Variants in ACSL5 observed in about 807,000 individuals in gnomAD.
ACSL5 encodes long-chain-fatty-acid--CoA ligase 5.
In ACSL5, 50 loss-of-function variants were observed where a neutral mutation model predicts 84.9. The observed-to-expected ratio is 0.59, with a 90% CI of 0.47 to 0.75. The LOEUF is 0.75. Ranked by LOEUF, ACSL5 falls within the 30% of genes least tolerant of loss-of-function variation. ACSL5 has a pLI of 0.00. For synonymous variants in ACSL5, 280 were observed against 300.7 expected (o/e 0.93, Z 0.71); for missense variants, 775 against 830.4 (o/e 0.93, Z 0.82).
intron 1 of ACSL5, among the ~76,000 whole-genome samples, chr10:112,383,599 C>T (rs1849393091): frequency 6.6e-6 from 1 of 152,218 alleles, no homozygotes; most frequent in Non-Finnish European, 1.5e-5. Flanking sequence ...CTGGATTACT[C>T]AGTGGCTGAG....
Position 112,404,868 on chromosome 10 carries a change from C to T in ACSL5, c.432+62C>T, listed in dbSNP as rs1043173496. On this transcript the variant is annotated intron_variant, in intron 5 of 20. Transcript: ENST00000354655. ...GGGTTAAGTTTAAAAACTTCAAATG[C>T]TATTCCCCGTCCAGCATTCCAACAC... is the stretch of plus-strand genomic sequence containing the variant. 2.8e-6 allele frequency: 4 copies of T among 1,407,864 alleles called. No individual in the cohort carries two copies. The South Asian group carries it at 3.6e-5, about 13-fold the overall frequency. The allele number at this position is 1,407,864 out of a possible 1,614,324, so 87.2% of individuals were successfully genotyped here. A position where few individuals can be genotyped will look rare whatever the true frequency, so the allele number is the denominator to read the frequency against.
chr10:112,410,213 T>G, intron 7 of ACSL5: 1 of 1,498,494 alleles, frequency 6.7e-7, no homozygotes, highest in Admixed American at 2.0e-5. Flanking sequence ...GACTGAAACT[T>G]AAGAGTACAA....
intron 1 of ACSL5, among the ~76,000 whole-genome samples, chr10:112,390,576 A>G (rs746705655): frequency 2.0e-5 from 3 of 152,224 alleles, no homozygotes; most frequent in Non-Finnish European, 4.4e-5. Flanking sequence ...CAAAAACTGT[A>G]TAGAAATGCT....
chr10:112,391,996 G>A (rs1843651926), intron 1 of ACSL5, among the ~76,000 whole-genome samples: 5 of 152,248 alleles, frequency 3.3e-5, no homozygotes, highest in South Asian at 4.2e-4. Flanking sequence ...TCAACTTTTA[G>A]ACTCTGATTC....
At chr10:112,400,406 C>CTTTTTTTTTTTTTTTTTTT (rs573644087) in intron 3 of ACSL5, among the ~76,000 whole-genome samples, 2 of 98,892 alleles carry the variant, frequency 2.0e-5, no homozygotes, top group African/African-American at 4.0e-5. Context: ...TTTTTCTTTT[C>CTTTTTTTTTTTTTTTTTTT]TTTTTTTTTT....
chr10:112,403,223 C>T (rs561592115), intron 3 of ACSL5, among the ~76,000 whole-genome samples: 1 of 152,318 alleles, frequency 6.6e-6, no homozygotes, highest in Admixed American at 6.5e-5. Context: ...TCCCACTTTA[C>T]TAGCTGTTAA....
chr10:112,387,877 C>CA (rs986126428), intron 1 of ACSL5, among the ~76,000 whole-genome samples: 1 of 144,556 alleles, frequency 6.9e-6, no homozygotes, highest in Non-Finnish European at 1.5e-5. Flanking sequence ...TATTATTGCA[C>CA]AAAAAAATAA....
intron 7 of ACSL5, 104 bp downstream of exon 7, chr10:112,409,789 G>A: frequency 3.4e-6 from 4 of 1,162,916 alleles, no homozygotes; most frequent in South Asian, 2.8e-5. Flanking sequence ...CTCCAGGGGT[G>A]GCACGTGAGG....
chr10:112,395,253 A>G, intron 2 of ACSL5, 151 bp downstream of exon 2: 1 of 751,474 alleles, frequency 1.3e-6, no homozygotes, highest in South Asian at 2.0e-5. Flanking sequence ...ACAAATTTAA[A>G]CTTCTATTAC....
At chr10:112,425,757 G>C (rs1450821140) in intron 18 of ACSL5, among the ~76,000 whole-genome samples, 2 of 152,112 alleles carry the variant, frequency 1.3e-5, no homozygotes, top group Admixed American at 6.5e-5. Flanking sequence ...GCTCCACATT[G>C]CACTTAGTTC....
At chr10:112,414,009 G>A (rs1844253262) in intron 12 of ACSL5, among the ~76,000 whole-genome samples, 2 of 152,108 alleles carry the variant, frequency 1.3e-5, no homozygotes, top group Admixed American at 1.3e-4. Context: ...AGCCTCAGAG[G>A]TTAAATAACC....
In ACSL5 at chr10:112,426,825, T is replaced by C; in HGVS notation, c.1877T>C (p.Ile626Thr). ...GCCATTTTAGAAGACTTGCAGAAAA[T>C]TGGGAAAGAAAGTGGCCTTAAAACT... ...REAILEDLQK[I>T]GKESGLKTFE... The change falls in exon 20 of 21, where the codon ATT becomes ACT. Residue 626 changes from isoleucine to threonine, a missense_variant. Ile to Thr is a moderately conservative substitution (Grantham distance 89, BLOSUM62 -1). Coordinates refer to ENST00000354655, the MANE Select transcript of ACSL5 (RefSeq NM_203379.2). 3 of 1,613,960 alleles carry C rather than the reference T, an allele frequency of 1.9e-6. No individual in the cohort carries two copies. Among genetic ancestry groups the C allele is most frequent in the Non-Finnish European group, 1.7e-6 (2 of 1,179,918 alleles).
intron 1 of ACSL5, among the ~76,000 whole-genome samples, chr10:112,377,303 T>G (rs1474743668): frequency 6.6e-6 from 1 of 152,040 alleles, no homozygotes; most frequent in African/African-American, 2.4e-5. Flanking sequence ...ACTCTGGGAG[T>G]CTGAGGTGGG....
At chr10:112,401,546 T>C (rs556818241) in intron 3 of ACSL5, among the ~76,000 whole-genome samples, 8 of 152,206 alleles carry the variant, frequency 5.3e-5, no homozygotes, top group Non-Finnish European at 1.0e-4. Context: ...CAGGTCTGAG[T>C]TGACTAAGTT....
intron 14 of ACSL5, among the ~76,000 whole-genome samples, chr10:112,420,232 TGCC>T (rs1371157976): frequency 5.3e-5 from 8 of 152,192 alleles, no homozygotes; most frequent in African/African-American, 1.9e-4. Flanking sequence ...CTCCCAACTC[TGCC>T]TATCACAGGC....
At chr10:112,375,153 G>A (rs993521416) in intron 1 of ACSL5, 2 of 152,164 alleles carry the variant, frequency 1.3e-5, no homozygotes, top group Non-Finnish European at 2.9e-5. Context: ...GTGTGGCTGA[G>A]ATTCGACACC....
Position 112,410,371 on chromosome 10 carries a change from G to A in ACSL5, c.712-92G>A, listed in dbSNP as rs755522074. 5.0e-6 allele frequency: 8 copies of A among 1,593,992 alleles called. No homozygotes were observed. In the African/African-American group the frequency reaches 5.4e-5, roughly 11 times the overall value. ...ATTTTGCTTATATTCCCATAGAGAT[G>A]TTCTCACGGGAAAGGGAGGGAGAGG... On this transcript the variant is annotated intron_variant, in intron 7 of 20. Transcript: ENST00000354655.
intron 14 of ACSL5, among the ~76,000 whole-genome samples, chr10:112,419,100 A>G (rs979326765): frequency 7.9e-5 from 5 of 62,998 alleles, no homozygotes; most frequent in Admixed American, 2.2e-4. Context: ...CACACAATGT[A>G]TCTGTGTGTG....
intron 1 of ACSL5, among the ~76,000 whole-genome samples, chr10:112,377,384 A>C (rs1319852646): frequency 6.6e-6 from 1 of 152,186 alleles, no homozygotes; most frequent in African/African-American, 2.4e-5. Flanking sequence ...TACTGAAAAT[A>C]CAAAAATTAG....
Sources: allele counts gnomAD v4.1 joint callset (sites outside exome capture counted in the v4.1 genomes callset), GRCh38; gene constraint gnomAD v4.1.1; transcripts MANE v1.5; gene names NCBI Gene and HGNC (gene_info 2026-07-23, HGNC 2026-07-21).